The following RAPSN variants were observed in gnomAD, a reference collection of about 807,000 sequenced individuals.
RAPSN encodes 43 kDa receptor-associated protein of the synapse.
RAPSN carries 33 observed loss-of-function variants against 45.7 expected under a neutral mutation model. That is an observed-to-expected ratio of 0.72 (90% CI 0.55 to 0.97). The LOEUF (loss-of-function observed/expected upper bound fraction) is 0.97. Ranked by LOEUF, RAPSN falls within the 50% of genes least tolerant of loss-of-function variation. RAPSN has a pLI of 0.00. For missense variants in RAPSN, 519 were observed against 559.4 expected, an observed-to-expected ratio of 0.93 and a Z score of 0.73; for synonymous variants, 244 against 233.6, an observed-to-expected ratio of 1.04 and a Z score of -0.40.
Position 47,442,674 on chromosome 11 carries a change from A to G in RAPSN, c.672T>C (p.Ser224=). The G allele has an allele frequency of 6.2e-7, 1 of 1,613,632 alleles. No homozygotes were observed. Among genetic ancestry groups the G allele is most frequent in the South Asian group, 1.1e-5 (1 of 91,050 alleles). The change falls in exon 3 of 8, where the codon AGT becomes AGC. Residue 224 remains serine, a synonymous_variant. Coordinates refer to ENST00000298854, the MANE Select transcript of RAPSN (RefSeq NM_005055.5). ...GCCCCACCTCACAACACTCCATGGCACTGCCCAGGCGGCCCAGCAGGCGAT... is the reference window on the plus strand; with the variant it reads ...GCCCCACCTCACAACACTCCATGGCGCTGCCCAGGCGGCCCAGCAGGCGAT... ...VAYRLLGRLG[S]AMECCEESMK... is the part of the protein sequence containing the mutation.
At chr11:47,438,172 G>T in intron 7 of RAPSN, 125 bp from the exon 8 acceptor site, 1 of 1,147,922 alleles carries the variant, frequency 8.7e-7, no homozygotes, top group Non-Finnish European at 1.3e-6. Context: ...AGCAGCAGTG[G>T]AAGGGAAGGG....
At chr11:47,444,733 C>G (rs2076391188) in intron 2 of RAPSN, among the ~76,000 whole-genome samples, 1 of 151,112 alleles carries the variant, frequency 6.6e-6, no homozygotes, top group Non-Finnish European at 1.5e-5. Context: ...TGACAAGTGC[C>G]TGTGGTCCCA....
In RAPSN at chr11:47,441,686, G is replaced by T. The variant is rs755310896; in HGVS notation, c.837C>A (p.Ile279=). The T allele has an allele frequency of 6.2e-7, 1 of 1,609,796 alleles. No individual in the cohort carries two copies. ...YDSAMSIMTE[I]GNRLGQVQAL... ...CCTGCACCTGCCCCAGGCGGTTTCC[G>T]ATCTCGGTCATGATGCTCATGGCGG... Residue 279 remains isoleucine, a synonymous_variant, in exon 5 of 8, where the codon ATC becomes ATA. Coordinates refer to ENST00000298854, the MANE Select transcript of RAPSN (RefSeq NM_005055.5).
chr11:47,441,671 C>T lies in RAPSN; in HGVS notation c.852G>A (p.Gly284=). 6.2e-7 allele frequency: 1 copy of T among 1,609,792 alleles called. No homozygotes were observed. The highest frequency in any genetic ancestry group is 8.5e-7 in the Non-Finnish European group (1 of 1,179,822). Residue 284 remains glycine (G), a synonymous_variant, in exon 5 of 8, where the codon GGG becomes GGA. Coordinates refer to ENST00000298854, the MANE Select transcript of RAPSN (RefSeq NM_005055.5). ...CCACACCCAGCAGCGCCTGCACCTG[C>T]CCCAGGCGGTTTCCGATCTCGGTCA... ...SIMTEIGNRL[G]QVQALLGVAK...
At chr11:47,441,091 C>T (rs2076358388) in intron 6 of RAPSN, 68 bp downstream of exon 6, 1 of 1,598,572 alleles carries the variant, frequency 6.3e-7, no homozygotes. Context: ...CAGGAAGGCC[C>T]TTCCCCAGAC....
intron 5 of RAPSN, 166 bp downstream of exon 5, chr11:47,441,445 G>C: frequency 7.3e-7 from 1 of 1,366,748 alleles, no homozygotes; most frequent in Admixed American, 2.1e-5. Context: ...CCTAGGGCAA[G>C]TGATGGGCCT....
In RAPSN at chr11:47,448,889, A is replaced by G. The variant is rs202091676; in HGVS notation, c.76T>C (p.Leu26=). ...TCCAGCACCTTTGTCCACACCTGCA[A>G]TGCCTTCTCTGTCTGGTTGGACTGG... is the stretch of plus-strand genomic sequence containing the variant. ...LYQSNQTEKA[L]QVWTKVLEKS... is the part of the protein sequence containing the mutation. The change falls in exon 1 of 8, where the codon TTG becomes CTG. Residue 26 remains leucine (L), a synonymous_variant. Coordinates refer to ENST00000298854, the MANE Select transcript of RAPSN (RefSeq NM_005055.5). 6.2e-7 allele frequency: 1 copy of G among 1,614,190 alleles called. No individual in the cohort carries two copies. The highest frequency in any genetic ancestry group is 2.2e-5 in the East Asian group (1 of 44,858).
Position 47,447,836 on chromosome 11 carries a change from C to T in RAPSN, c.507G>A (p.Leu169=), listed in dbSNP as rs1340595553. The stretch of plus-strand genomic sequence containing the variant: ...CCTTGACCTGGGCATAGAAGCTGCC[C>T]AGGCTGCAGCACACGCGGCACTCGA... ...AMLECRVCCS[L]GSFYAQVKDY... Residue 169 remains leucine (L), a synonymous_variant, in exon 2 of 8, where the codon CTG becomes CTA. Coordinates refer to ENST00000298854, the MANE Select transcript of RAPSN (RefSeq NM_005055.5). The T allele has an allele frequency of 6.2e-7, 1 of 1,613,046 alleles. No individual in the cohort carries two copies. Among genetic ancestry groups the T allele is most frequent in the East Asian group, 2.2e-5 (1 of 44,828 alleles).
At chr11:47,442,955 A>G (rs2076377572) in intron 2 of RAPSN, 141 bp from the exon 3 acceptor site, 4 of 1,410,990 alleles carry the variant, frequency 2.8e-6, no homozygotes, top group Non-Finnish European at 9.7e-7. Flanking sequence ...CATCCAGGAC[A>G]AGAGTGGCCC....
chr11:47,438,185 C>T (rs1057258143), intron 7 of RAPSN, 138 bp from the exon 8 acceptor site: 26 of 1,065,826 alleles, frequency 2.4e-5, no homozygotes, highest in East Asian at 5.2e-5. Flanking sequence ...GGGAAGGGAA[C>T]GGTCCCCCCA....
intron 3 of RAPSN, among the ~76,000 whole-genome samples, 195 bp from the exon 4 acceptor site, chr11:47,442,116 G>A (rs1303988685): frequency 6.6e-6 from 1 of 152,236 alleles, no homozygotes; most frequent in Non-Finnish European, 1.5e-5. Flanking sequence ...GGAAAGTGAG[G>A]CTCAAAGAGA....
At chr11:47,441,309 G>C (rs76845146) in intron 5 of RAPSN, 97 bp from the exon 6 acceptor site, 1 of 1,491,644 alleles carries the variant, frequency 6.7e-7, no homozygotes, top group African/African-American at 1.4e-5. Flanking sequence ...TAGGGAGGGT[G>C]ACATGGCAGC....
In RAPSN at chr11:47,449,027, A is replaced by C; in HGVS notation, c.-63T>G. Reference sequence around the variant, plus strand: ...GGTGGCTCCGTGCCTCTAGGCACTCATGGGGCAGGAATCACAGTGCCAGCT... The same window carrying C: ...GGTGGCTCCGTGCCTCTAGGCACTCCTGGGGCAGGAATCACAGTGCCAGCT... On this transcript the variant is annotated 5_prime_UTR_variant, in exon 1 of 8. The change abolishes an upstream ATG in the 5' untranslated region. Transcript: ENST00000298854. 6.3e-7 allele frequency: 1 copy of C among 1,595,602 alleles called. No homozygotes were observed. The highest frequency in any genetic ancestry group is 8.6e-7 in the Non-Finnish European group (1 of 1,163,694).
At chr11:47,446,021 T>C (rs2153310490) in intron 2 of RAPSN, among the ~76,000 whole-genome samples, 1 of 151,942 alleles carries the variant, frequency 6.6e-6, no homozygotes, top group South Asian at 2.1e-4. Context: ...CTCAAACTCC[T>C]GGGCTCAAGC....
In RAPSN at chr11:47,438,038, C is replaced by T. The variant is rs1353799875; in HGVS notation, c.1176G>A (p.Gln392=). The change falls in exon 8 of 8, where the codon CAG becomes CAA. Residue 392 remains glutamine (Q), a synonymous_variant. Transcript: ENST00000298854. The part of the protein sequence containing the change: ...CSHIFHLRCL[Q]NNGTRSCPNC... ...TGGGACAGCTCCGGGTCCCGTTGTT[C>T]TGCAGGCACCTGGGGAGGCAAAGGG... 1.3e-6 allele frequency: 2 copies of T among 1,549,848 alleles called. No individual in the cohort carries two copies. The highest frequency in any genetic ancestry group is 2.0e-5 in the Admixed American group (1 of 50,992).
intron 2 of RAPSN, among the ~76,000 whole-genome samples, chr11:47,443,050 C>A (rs946580472): frequency 1.3e-5 from 2 of 152,242 alleles, no homozygotes; most frequent in Non-Finnish European, 2.9e-5. Flanking sequence ...AAGAGCCTAG[C>A]ACAGTTCTTG....
At chr11:47,440,062 A>G (rs1379159894) in intron 6 of RAPSN, among the ~76,000 whole-genome samples, 1 of 152,202 alleles carries the variant, frequency 6.6e-6, no homozygotes, top group Non-Finnish European at 1.5e-5. Context: ...TGCCAAAGCA[A>G]GCACTAGATA....
At chr11:47,445,520 C>T (rs967389014) in intron 2 of RAPSN, among the ~76,000 whole-genome samples, 9 of 139,378 alleles carry the variant, frequency 6.5e-5, no homozygotes, top group Non-Finnish European at 1.4e-4. Context: ...CGCTTGAACC[C>T]GGGAGGCAGA....
chr11:47,442,440 G>A (rs1453921468), intron 3 of RAPSN, among the ~76,000 whole-genome samples: 4 of 152,196 alleles, frequency 2.6e-5, no homozygotes, highest in African/African-American at 7.2e-5. Flanking sequence ...CACGAGGATC[G>A]CTTCAGCACA....
Sources: gnomAD v4.1 joint callset for allele counts (sites outside exome capture counted in the v4.1 genomes callset) on GRCh38, gnomAD v4.1.1 for gene constraint, MANE v1.5 for transcripts, NCBI Gene and HGNC (gene_info 2026-07-23, HGNC 2026-07-21) for gene names.